Variants in ADAMTSL1 observed in about 807,000 individuals in gnomAD.
ADAMTSL1 encodes ADAMTS like 1.
ADAMTSL1 carries 126 observed loss-of-function variants against 201.8 expected under a neutral mutation model. The observed-to-expected ratio is 0.62, with a 90% CI of 0.54 to 0.72. The LOEUF is 0.72. Among genes scored for constraint, ADAMTSL1 ranks in the 30% least tolerant of loss-of-function variants. The pLI is 0.00. For missense variants in ADAMTSL1, 2,679 were observed against 2,277.8 expected, an observed-to-expected ratio of 1.18 and a Z score of -3.59; for synonymous variants, 1,121 against 903.4, an observed-to-expected ratio of 1.24 and a Z score of -4.32.
At chr9:18,817,679 C>T (rs945447171) in intron 21 of ADAMTSL1, among the ~76,000 whole-genome samples, 1 of 152,116 alleles carries the variant, frequency 6.6e-6, no homozygotes, top group African/African-American at 2.4e-5. Flanking sequence ...TTCCAAAAGA[C>T]AAAGCCACCA....
intron 25 of ADAMTSL1, among the ~76,000 whole-genome samples, chr9:18,890,010 C>G (rs554115926): frequency 1.3e-5 from 2 of 152,278 alleles, no homozygotes; most frequent in African/African-American, 4.8e-5. Flanking sequence ...GGGGTCTGTT[C>G]AGGGAGCAAG....
chr9:18,860,173 G>A (rs1004807327), intron 23 of ADAMTSL1, among the ~76,000 whole-genome samples: 1 of 152,202 alleles, frequency 6.6e-6, no homozygotes, highest in African/African-American at 2.4e-5. Flanking sequence ...CTTTTAATTA[G>A]AAAAGAAGGT....
At chr9:18,899,844 A>G (rs755840823) in intron 26 of ADAMTSL1, among the ~76,000 whole-genome samples, 8 of 142,844 alleles carry the variant, frequency 5.6e-5, no homozygotes, top group Admixed American at 4.9e-4. Flanking sequence ...ACCCTAGAAG[A>G]AAATCGAGGC....
intron 2 of ADAMTSL1, among the ~76,000 whole-genome samples, chr9:18,299,893 A>G (rs555078060): frequency 1.3e-5 from 2 of 152,370 alleles, no homozygotes; most frequent in African/African-American, 4.8e-5. Flanking sequence ...AGTATTTCAA[A>G]GAACTGGGGA....
intron 1 of ADAMTSL1, among the ~76,000 whole-genome samples, chr9:17,924,723 A>G (rs1177433345): frequency 1.4e-5 from 2 of 146,994 alleles, no homozygotes; most frequent in South Asian, 4.5e-4. Context: ...TTAAAGATTT[A>G]AACGTTAGAC....
At chr9:18,229,718 G>A (rs1428833468) in intron 2 of ADAMTSL1, among the ~76,000 whole-genome samples, 5 of 148,844 alleles carry the variant, frequency 3.4e-5, no homozygotes, top group African/African-American at 9.9e-5. Flanking sequence ...TTTTTGATAT[G>A]GAATTTCACT....
chr9:18,516,059 C>T (rs1353856273), intron 2 of ADAMTSL1, among the ~76,000 whole-genome samples: 35 of 148,618 alleles, frequency 2.4e-4, no homozygotes, highest in African/African-American at 7.5e-4. Context: ...AGCATCCATC[C>T]CTCCAGCTCC....
intron 1 of ADAMTSL1, among the ~76,000 whole-genome samples, chr9:18,163,593 G>C (rs1360414): frequency 0.041 from 6,201 of 152,040 alleles, 339 homozygotes; most frequent in African/African-American, 0.13. Flanking sequence ...CCTGGCCACA[G>C]AGATAACCTG....
At chr9:18,828,265 A>G (rs1563835519) in intron 22 of ADAMTSL1, among the ~76,000 whole-genome samples, 1 of 152,206 alleles carries the variant, frequency 6.6e-6, no homozygotes, top group Non-Finnish European at 1.5e-5. Flanking sequence ...ACATGCACTG[A>G]AAAGGAAAAT....
intron 2 of ADAMTSL1, among the ~76,000 whole-genome samples, chr9:18,391,257 C>A (rs776757521): frequency 6.6e-6 from 1 of 152,076 alleles, no homozygotes; most frequent in Non-Finnish European, 1.5e-5. Context: ...ACTTTCTTGG[C>A]CTTTTCAAGT....
At chr9:18,049,615 T>C (rs911178960) in intron 1 of ADAMTSL1, among the ~76,000 whole-genome samples, 1 of 139,750 alleles carries the variant, frequency 7.2e-6, no homozygotes, top group Non-Finnish European at 1.6e-5. Context: ...TTCGACTTCT[T>C]ATTCTTTTTT....
At chr9:18,593,137 A>C (rs866806371) in intron 4 of ADAMTSL1, among the ~76,000 whole-genome samples, 1 of 152,098 alleles carries the variant, frequency 6.6e-6, no homozygotes, top group Admixed American at 6.5e-5. Context: ...GGTTTTTCCA[A>C]ATATAAGATT....
intron 1 of ADAMTSL1, among the ~76,000 whole-genome samples, chr9:18,091,860 T>C (rs1317106746): frequency 6.6e-6 from 1 of 151,860 alleles, no homozygotes; most frequent in Admixed American, 6.6e-5. Context: ...ACGGGTATTG[T>C]GAGTGAGTGA....
intron 1 of ADAMTSL1, among the ~76,000 whole-genome samples, chr9:17,921,682 T>TA (rs1234423240): frequency 1.3e-5 from 2 of 152,266 alleles, no homozygotes; most frequent in South Asian, 2.1e-4. Flanking sequence ...GTCAGAATTA[T>TA]AAAAAAGACA....
At chr9:18,005,560 A>G (rs909098453) in intron 1 of ADAMTSL1, among the ~76,000 whole-genome samples, 3 of 152,036 alleles carry the variant, frequency 2.0e-5, no homozygotes, top group Admixed American at 2.0e-4. Context: ...ATACTACTTT[A>G]TCTCTCTTGG....
At chr9:18,719,995 A>G (rs1351352430) in intron 14 of ADAMTSL1, among the ~76,000 whole-genome samples, 1 of 152,208 alleles carries the variant, frequency 6.6e-6, no homozygotes, top group Non-Finnish European at 1.5e-5. Flanking sequence ...ATAACTATAT[A>G]TAAATGTCCA....
At chr9:17,994,090 T>TTTTG (rs1819275716) in intron 1 of ADAMTSL1, among the ~76,000 whole-genome samples, 1 of 142,086 alleles carries the variant, frequency 7.0e-6, no homozygotes, top group Non-Finnish European at 1.6e-5. Flanking sequence ...CAGAATCTCA[T>TTTTG]TGTGTGTGTG....
At chr9:18,577,363 G>T (rs1021975603) in intron 4 of ADAMTSL1, among the ~76,000 whole-genome samples, 2 of 152,120 alleles carry the variant, frequency 1.3e-5, no homozygotes, top group East Asian at 3.9e-4. Context: ...GCAGGTGCTC[G>T]TATTCGCAGC....
intron 2 of ADAMTSL1, among the ~76,000 whole-genome samples, chr9:18,451,097 A>G (rs939211716): frequency 6.6e-6 from 1 of 152,060 alleles, no homozygotes; most frequent in Non-Finnish European, 1.5e-5. Flanking sequence ...AAGAAGGGGG[A>G]TTGGGATAGG....
Sources: gnomAD v4.1 joint callset for allele counts (sites outside exome capture counted in the v4.1 genomes callset) on GRCh38, gnomAD v4.1.1 for gene constraint, MANE v1.5 for transcripts, NCBI Gene and HGNC (gene_info 2026-07-23, HGNC 2026-07-21) for gene names.